KIAA0825: variants seen among roughly 807,000 people sequenced by gnomAD.
KIAA0825 encodes the protein uncharacterized protein KIAA0825.
KIAA0825 carries 119 observed loss-of-function variants against 147.6 expected under a neutral mutation model. That is an observed-to-expected ratio of 0.81 (90% CI 0.69 to 0.94). KIAA0825 has a LOEUF of 0.94. Among genes scored for constraint, KIAA0825 ranks in the 40% least tolerant of loss-of-function variants. The pLI is 0.00. For synonymous variants in KIAA0825, 470 were observed against 518.1 expected (o/e 0.91, Z 1.26); for missense variants, 1,381 against 1,472.7 (o/e 0.94, Z 1.02).
intron 14 of KIAA0825, among the ~76,000 whole-genome samples, chr5:94,436,348 G>A (rs1002657920): frequency 4.6e-5 from 7 of 152,142 alleles, no homozygotes; most frequent in Admixed American, 6.5e-5. Context: ...CATATGGCTA[G>A]CCAGTTCTCC....
At chr5:94,445,647 C>T (rs1757634658) in intron 13 of KIAA0825, among the ~76,000 whole-genome samples, 1 of 152,202 alleles carries the variant, frequency 6.6e-6, no homozygotes, top group East Asian at 1.9e-4. Context: ...ATAGCTGTTT[C>T]CTATCATCAC....
chr5:94,395,126 T>G (rs1341310694), intron 17 of KIAA0825, among the ~76,000 whole-genome samples: 1 of 152,200 alleles, frequency 6.6e-6, no homozygotes, highest in African/African-American at 2.4e-5. Context: ...TCTGTCAGTG[T>G]GGTATCATCA....
chr5:94,169,582 A>AAAG (rs1220827615), intron 20 of KIAA0825, among the ~76,000 whole-genome samples: 1 of 151,904 alleles, frequency 6.6e-6, no homozygotes, highest in Non-Finnish European at 1.5e-5. Flanking sequence ...AAAAAAAAAA[A>AAAG]AAGATCTAGA....
intron 20 of KIAA0825, among the ~76,000 whole-genome samples, chr5:94,175,591 C>G (rs1006429505): frequency 2.0e-5 from 3 of 152,132 alleles, no homozygotes; most frequent in Admixed American, 6.6e-5. Context: ...TTACAGCATT[C>G]CCCTGTATTC....
chr5:94,303,148 T>C (rs1778510954), intron 20 of KIAA0825, among the ~76,000 whole-genome samples: 1 of 151,962 alleles, frequency 6.6e-6, no homozygotes, highest in South Asian at 2.1e-4. Flanking sequence ...ACACACAATT[T>C]TTACAATGCT....
chr5:94,167,443 A>C (rs1439819270), intron 20 of KIAA0825, among the ~76,000 whole-genome samples: 1 of 152,142 alleles, frequency 6.6e-6, no homozygotes, highest in African/African-American at 2.4e-5. Context: ...CAGGGGTTTT[A>C]TAAGGGAGTT....
At position 94,386,410 on chromosome 5, in the gene KIAA0825, A is replaced by G; in HGVS notation, c.3457-6T>C. 1 of 1,541,318 alleles carries G rather than the reference A, an allele frequency of 6.5e-7. No homozygotes were observed. The highest frequency in any genetic ancestry group is 8.7e-7 in the Non-Finnish European group (1 of 1,143,296). On this transcript the variant is annotated splice_polypyrimidine_tract_variant and splice_region_variant and intron_variant, in intron 18 of 20. Coordinates refer to ENST00000682413, the MANE Select transcript of KIAA0825 (RefSeq NM_001145678.3). The stretch of plus-strand genomic sequence containing the variant: ...AGCTGTTCTTTTAAATATTCCTTCA[A>G]AGAAAAGAAATTACAAGTTGTGACG...
chr5:94,424,335 G>A (rs1216527181), intron 14 of KIAA0825, among the ~76,000 whole-genome samples: 2 of 151,836 alleles, frequency 1.3e-5, no homozygotes, highest in South Asian at 2.1e-4. Flanking sequence ...TCATAACAAA[G>A]GAATAAAACT....
intron 13 of KIAA0825, among the ~76,000 whole-genome samples, chr5:94,444,171 T>C (rs1198912716): frequency 6.6e-6 from 1 of 152,118 alleles, no homozygotes; most frequent in Admixed American, 6.6e-5. Context: ...TCGCAATAAC[T>C]ATAAGCTCTG....
chr5:94,289,287 A>G (rs1335046079), intron 20 of KIAA0825, among the ~76,000 whole-genome samples: 1 of 152,068 alleles, frequency 6.6e-6, no homozygotes, highest in Non-Finnish European at 1.5e-5. Flanking sequence ...TCTAATCCCA[A>G]CACTTTGGGA....
intron 20 of KIAA0825, among the ~76,000 whole-genome samples, chr5:94,200,317 T>C (rs1771550043): frequency 6.6e-6 from 1 of 152,160 alleles, no homozygotes; most frequent in East Asian, 1.9e-4. Context: ...GGAATAAGCC[T>C]TAGTGCTTGG....
intron 10 of KIAA0825, among the ~76,000 whole-genome samples, chr5:94,466,890 C>G (rs965688494): frequency 4.6e-5 from 7 of 152,000 alleles, no homozygotes; most frequent in African/African-American, 1.4e-4. Context: ...CTCTCATACC[C>G]TTTGTGTTGC....
chr5:94,421,801 T>C (rs1413546651), intron 14 of KIAA0825, among the ~76,000 whole-genome samples: 1 of 152,182 alleles, frequency 6.6e-6, no homozygotes, highest in Admixed American at 6.6e-5. Context: ...TATTCCAAGA[T>C]AATTTCTACT....
chr5:94,601,029 C>A (rs1786324820), intron 1 of KIAA0825, among the ~76,000 whole-genome samples: 1 of 152,166 alleles, frequency 6.6e-6, no homozygotes, highest in African/African-American at 2.4e-5. Flanking sequence ...CTTCAGAAAG[C>A]CCAACCTGAT....
chr5:94,508,133 T>C (rs76392587), intron 5 of KIAA0825, among the ~76,000 whole-genome samples: 1 of 124,558 alleles, frequency 8.0e-6, no homozygotes, highest in East Asian at 2.0e-4. Context: ...TGGTATGCAA[T>C]TTTTTTTTTT....
intron 5 of KIAA0825, among the ~76,000 whole-genome samples, chr5:94,497,904 A>G (rs1377853633): frequency 1.3e-5 from 2 of 152,136 alleles, no homozygotes; most frequent in East Asian, 3.8e-4. Flanking sequence ...TTCCCTGTTA[A>G]TGCTTTGTAT....
chr5:94,578,375 C>G (rs1311235775), intron 2 of KIAA0825, among the ~76,000 whole-genome samples: 1 of 152,124 alleles, frequency 6.6e-6, no homozygotes, highest in Admixed American at 6.5e-5. Context: ...GATCCCACAG[C>G]TAGAAATAGG....
chr5:94,385,724 G>T (rs1043888650), intron 19 of KIAA0825, among the ~76,000 whole-genome samples: 3 of 152,140 alleles, frequency 2.0e-5, no homozygotes, highest in Non-Finnish European at 4.4e-5. Context: ...AAATAGACCG[G>T]CTTTAAGATC....
intron 20 of KIAA0825, among the ~76,000 whole-genome samples, chr5:94,348,054 G>A (rs1178581797): frequency 2.0e-5 from 3 of 152,050 alleles, no homozygotes; most frequent in Non-Finnish European, 4.4e-5. Flanking sequence ...TTCAGAGCTC[G>A]AAGACAAGGT....
Sources: allele counts gnomAD v4.1 joint callset (sites outside exome capture counted in the v4.1 genomes callset), GRCh38; gene constraint gnomAD v4.1.1; transcripts MANE v1.5; gene names NCBI Gene and HGNC (gene_info 2026-07-23, HGNC 2026-07-21).